The following ADAM18 variants were observed in gnomAD, a reference collection of about 807,000 sequenced individuals.
ADAM18 encodes ADAM metallopeptidase domain 18, also known as disintegrin and metalloproteinase domain-containing protein 18.
A neutral mutation model predicts 94.4 loss-of-function variants in ADAM18; 117 were observed. The ratio of observed to expected loss-of-function variants is 1.24; its 90% confidence interval spans 1.07 to 1.45. ADAM18 has a LOEUF of 1.45. Ranked by LOEUF, ADAM18 falls within the 40% of genes most tolerant of loss-of-function variation. ADAM18 has a pLI of 0.00. For missense variants in ADAM18, 936 were observed against 880.0 expected, an observed-to-expected ratio of 1.06 and a Z score of -0.81; for synonymous variants, 327 against 291.6, an observed-to-expected ratio of 1.12 and a Z score of -1.24.
At chr8:39,669,500 T>G (rs1821093929) in intron 14 of ADAM18, among the ~76,000 whole-genome samples, 1 of 124,610 alleles carries the variant, frequency 8.0e-6, no homozygotes, top group African/African-American at 3.0e-5. Flanking sequence ...GTGTGTGATG[T>G]TCCCCTTCCT....
chr8:39,620,312 C>T (rs1309012839), intron 6 of ADAM18, among the ~76,000 whole-genome samples: 4 of 122,624 alleles, frequency 3.3e-5, no homozygotes, highest in African/African-American at 1.2e-4. Context: ...TAGGTCTGAG[C>T]AAAGATTTTT....
chr8:39,648,782 G>A (rs1424568014), intron 12 of ADAM18, among the ~76,000 whole-genome samples: 2 of 152,038 alleles, frequency 1.3e-5, no homozygotes, highest in African/African-American at 4.8e-5. Context: ...GAATATATTG[G>A]CTAAATGAAG....
At chr8:39,644,231 C>A (rs1005485730) in intron 10 of ADAM18, among the ~76,000 whole-genome samples, 1 of 151,864 alleles carries the variant, frequency 6.6e-6, no homozygotes, top group Non-Finnish European at 1.5e-5. Context: ...ATATGAAAAA[C>A]ACTTTGAGTC....
intron 16 of ADAM18, among the ~76,000 whole-genome samples, chr8:39,682,994 T>C (rs2129580623): frequency 6.6e-6 from 1 of 152,312 alleles, no homozygotes. Flanking sequence ...TAATACACAT[T>C]CCCTACCAAC....
At chr8:39,680,527 T>C (rs924631699) in intron 16 of ADAM18, among the ~76,000 whole-genome samples, 8 of 152,216 alleles carry the variant, frequency 5.3e-5, no homozygotes, top group Non-Finnish European at 1.2e-4. Context: ...AAGTTTTCCA[T>C]TTTCCTTGCT....
rs375323746 is a variant in ADAM18, at chr8:39,637,380, T to G, written c.660+45T>G. 54 of 1,554,150 alleles carry G rather than the reference T, an allele frequency of 3.5e-5. No homozygotes were observed. The African/African-American group carries it at 7.3e-4, about 21-fold the overall frequency. On this transcript the variant is annotated intron_variant, in intron 8 of 19. Coordinates refer to ENST00000265707, the MANE Select transcript of ADAM18 (RefSeq NM_014237.3). ...CATTTCCATTTTCATGAAAGTTTCT[T>G]TAATATAATTTGGGTTCTATCTTGG... is the stretch of plus-strand genomic sequence containing the variant.
chr8:39,690,694 A>G (rs1300591483), intron 16 of ADAM18, among the ~76,000 whole-genome samples: 3 of 152,140 alleles, frequency 2.0e-5, no homozygotes, highest in Non-Finnish European at 4.4e-5. Context: ...AATCCTTGTT[A>G]TTCTCTCCCC....
At chr8:39,712,952 A>G (rs918358949) in intron 18 of ADAM18, among the ~76,000 whole-genome samples, 4 of 152,150 alleles carry the variant, frequency 2.6e-5, no homozygotes, top group Non-Finnish European at 5.9e-5. Flanking sequence ...TAAATTTCAT[A>G]TGGAACCAAA....
chr8:39,666,778 A>G (rs1030264691), intron 13 of ADAM18, among the ~76,000 whole-genome samples: 8 of 152,102 alleles, frequency 5.3e-5, no homozygotes, highest in South Asian at 2.1e-4. Context: ...ATTATCTCCC[A>G]CCGGGTGCCT....
intron 14 of ADAM18, among the ~76,000 whole-genome samples, chr8:39,676,421 G>A (rs779690361): frequency 6.6e-6 from 1 of 152,236 alleles, no homozygotes; most frequent in Non-Finnish European, 1.5e-5. Context: ...CTAGCAGTGA[G>A]CAAGGCTCTG....
At chr8:39,721,650 A>T (rs895896882) in intron 18 of ADAM18, among the ~76,000 whole-genome samples, 13 of 151,880 alleles carry the variant, frequency 8.6e-5, no homozygotes, top group African/African-American at 2.9e-4. Context: ...GCCAAAAAAC[A>T]TATGAAGAAA....
chr8:39,626,478 G>A (rs987420189), intron 6 of ADAM18, among the ~76,000 whole-genome samples: 3 of 151,462 alleles, frequency 2.0e-5, no homozygotes, highest in Non-Finnish European at 4.4e-5. Flanking sequence ...TCTCTAGTTC[G>A]TTGAGGTTGA....
rs750747216 is a variant in ADAM18 at position 39,593,549 on chromosome 8, T to C, written c.132+8197T>C. On this transcript the variant is annotated intron_variant, in intron 2 of 19. Transcript: ENST00000265707. ...TTTGTCATAAAAAAAAAATCAGACA[T>C]GTAGACCAATAGAAGAGAACAGAGA... is the stretch of plus-strand genomic sequence containing the variant. Among the ~76,000 whole-genome samples, 9 of 151,924 alleles carry C rather than the reference T, an allele frequency of 5.9e-5. No homozygotes were observed. In the South Asian group the frequency reaches 1.7e-3, roughly 28 times the overall value.
intron 2 of ADAM18, among the ~76,000 whole-genome samples, chr8:39,603,469 C>T (rs916021995): frequency 6.6e-6 from 1 of 152,088 alleles, no homozygotes; most frequent in Non-Finnish European, 1.5e-5. Context: ...ATCTGTTTGC[C>T]TTTTTTAGCA....
At chr8:39,656,016 G>A (rs1167234048) in intron 12 of ADAM18, among the ~76,000 whole-genome samples, 2 of 151,986 alleles carry the variant, frequency 1.3e-5, no homozygotes, top group African/African-American at 4.8e-5. Context: ...TTTAAAATTA[G>A]AGGAATTAAT....
intron 10 of ADAM18, among the ~76,000 whole-genome samples, chr8:39,640,498 T>A (rs1001338724): frequency 6.6e-6 from 1 of 152,214 alleles, no homozygotes; most frequent in Non-Finnish European, 1.5e-5. Flanking sequence ...AATGTGTGCA[T>A]GTGTCTTTAT....
chr8:39,659,647 T>C (rs941775005), intron 12 of ADAM18, among the ~76,000 whole-genome samples: 3 of 152,070 alleles, frequency 2.0e-5, no homozygotes, highest in Non-Finnish European at 4.4e-5. Flanking sequence ...TATCCATAGT[T>C]CATAAGGCTT....
chr8:39,724,144 C>G (rs1822836590), intron 19 of ADAM18, among the ~76,000 whole-genome samples: 1 of 151,692 alleles, frequency 6.6e-6, no homozygotes, highest in South Asian at 2.1e-4. Context: ...CAAAGACTTA[C>G]TAGGTCAGAA....
chr8:39,716,377 C>A (rs73612054), intron 18 of ADAM18, among the ~76,000 whole-genome samples: 10 of 151,888 alleles, frequency 6.6e-5, no homozygotes, highest in African/African-American at 2.4e-4. Flanking sequence ...TGCTGCAGCC[C>A]ATAATTTTTG....
Sources: gnomAD v4.1 joint callset for allele counts (sites outside exome capture counted in the v4.1 genomes callset) on GRCh38, gnomAD v4.1.1 for gene constraint, MANE v1.5 for transcripts, NCBI Gene and HGNC (gene_info 2026-07-23, HGNC 2026-07-21) for gene names.